ELAVL4: variants seen among roughly 807,000 people sequenced by gnomAD.
ELAVL4 encodes the protein ELAV like RNA binding protein 4, also known as ELAV-like protein 4.
A neutral mutation model predicts 35.6 loss-of-function variants in ELAVL4; 1 was observed. That is an observed-to-expected ratio of 0.03 (90% CI 0.01 to 0.13). The LOEUF is 0.13. Ranked by LOEUF, ELAVL4 falls within the 10% of genes least tolerant of loss-of-function variation. The probability of loss-of-function intolerance (pLI) is 1.00; values close to 1 mark genes in which losing one functional copy is unlikely to be tolerated. For synonymous variants in ELAVL4, 156 were observed against 171.0 expected (o/e 0.91, Z 0.69); for missense variants, 267 against 464.9 (o/e 0.57, Z 3.91).
intron 1 of ELAVL4, among the ~76,000 whole-genome samples, chr1:50,069,136 T>A (rs1664397313): frequency 1.3e-5 from 2 of 152,214 alleles, no homozygotes; most frequent in Non-Finnish European, 2.9e-5. Context: ...TTTATGTATC[T>A]CTATGTCATA....
intron 1 of ELAVL4, among the ~76,000 whole-genome samples, chr1:50,049,960 A>G (rs892716473): frequency 6.6e-6 from 1 of 152,150 alleles, no homozygotes; most frequent in Admixed American, 6.5e-5. Context: ...GGCCTTACTA[A>G]TTCCTCTACT....
intron 1 of ELAVL4, among the ~76,000 whole-genome samples, chr1:50,053,498 G>A (rs1368162519): frequency 1.3e-5 from 2 of 152,042 alleles, no homozygotes; most frequent in African/African-American, 2.4e-5. Context: ...ACAGGTTCAC[G>A]CCACCAAGCC....
At chr1:50,169,781 C>T (rs7538920) in intron 2 of ELAVL4, among the ~76,000 whole-genome samples, 74 of 152,304 alleles carry the variant, frequency 4.9e-4, no homozygotes, top group African/African-American at 1.8e-3. Flanking sequence ...GAAGCCTTCC[C>T]TACTCTACTC....
At chr1:50,102,837 T>G (rs1020549016), upstream of ELAVL4, among the ~76,000 whole-genome samples, 1 of 152,310 alleles carries the variant, frequency 6.6e-6, no homozygotes, top group Non-Finnish European at 1.5e-5. Flanking sequence ...CTGAGTTTTT[T>G]GGGGGTTATG....
In ELAVL4 at chr1:50,203,425, T is replaced by A. The variant is rs913069221; in HGVS notation, c.*2247T>A. ...TTTTGGATATAACACCAGATTTCAG[T>A]TCAGAGAACACTCGTTCAACATTCA... On this transcript the variant is annotated 3_prime_UTR_variant, in exon 7 of 7. Transcript: ENST00000371824. The A allele has an allele frequency of 1.3e-5, 2 of 152,242 alleles. No homozygotes were observed. Among genetic ancestry groups the A allele is most frequent in the South Asian group, 2.1e-4 (1 of 4,832 alleles). The allele number at this position is 152,242 out of a possible 1,614,324, so 9.4% of individuals were successfully genotyped here.
chr1:50,190,202 G>C (rs1366853184), intron 3 of ELAVL4, among the ~76,000 whole-genome samples: 1 of 152,176 alleles, frequency 6.6e-6, no homozygotes, highest in African/African-American at 2.4e-5. Context: ...CTGAGGCAAG[G>C]GGGGTTCTCC....
intron 1 of ELAVL4, among the ~76,000 whole-genome samples, chr1:50,075,254 T>G (rs931359086): frequency 4.6e-5 from 7 of 152,194 alleles, no homozygotes; most frequent in Non-Finnish European, 8.8e-5. Flanking sequence ...AATTTGCATT[T>G]TATCCGAGGT....
In ELAVL4 at chr1:50,193,771, T is replaced by C. The variant is rs1370157409; in HGVS notation, c.361T>C (p.Tyr121His). Residue 121 changes from tyrosine to histidine, a missense_variant, in exon 4 of 7, where the codon TAT (tyrosine) becomes CAT (histidine). By Grantham distance (83) the Tyr-to-His change is moderately conservative (BLOSUM62 2). Transcript: ENST00000371824. ...TCCTCTTGCCTTTTCCTAGGTCTCA[T>C]ATGCCCGTCCGAGCTCTGCCTCAAT... ...RLQTKTIKVS[Y>H]ARPSSASIRD... The C allele has an allele frequency of 6.2e-7, 1 of 1,613,648 alleles. No homozygotes were observed. The highest frequency in any genetic ancestry group is 1.1e-5 in the South Asian group (1 of 91,000).
chr1:50,155,145 T>G (rs944010808), intron 2 of ELAVL4, among the ~76,000 whole-genome samples: 2 of 150,430 alleles, frequency 1.3e-5, no homozygotes, highest in East Asian at 4.0e-4. Flanking sequence ...TTAGCATTAG[T>G]TATATCTCCT....
chr1:50,184,291 G>A (rs1161113477), intron 3 of ELAVL4, among the ~76,000 whole-genome samples: 3 of 151,986 alleles, frequency 2.0e-5, no homozygotes, highest in East Asian at 3.9e-4. Context: ...AAATTAGACC[G>A]GTATGGGTTG....
At chr1:50,104,695 G>C (rs1419633364), upstream of ELAVL4, among the ~76,000 whole-genome samples, 1 of 152,190 alleles carries the variant, frequency 6.6e-6, no homozygotes, top group African/African-American at 2.4e-5. Flanking sequence ...TTAGACACAT[G>C]TGGAACATAG....
chr1:50,048,161 G>A lies in ELAVL4; in HGVS notation c.-4G>A, dbSNP rs780168610. 18 of 1,522,306 alleles carry A rather than the reference G, an allele frequency of 1.2e-5. No homozygotes were observed. In the South Asian group the frequency reaches 2.2e-4, roughly 19 times the overall value. The allele number at this position is 1,522,306 out of a possible 1,614,324, so 94.3% of individuals were successfully genotyped here. A position where few individuals can be genotyped will look rare whatever the true frequency, so the allele number is the denominator to read the frequency against. ...GCCTCGGGCCGGATCGCCCGGCGGG[G>A]AAGATGCGCCTCAAGAACCAGGTAG... On this transcript the variant is annotated 5_prime_UTR_variant, in exon 1 of 7. Coordinates refer to the ELAVL4 transcript ENST00000448907.
chr1:50,136,145 AT>A (rs1377008973), intron 1 of ELAVL4, among the ~76,000 whole-genome samples: 3 of 152,164 alleles, frequency 2.0e-5, no homozygotes, highest in Non-Finnish European at 4.4e-5. Context: ...GAAATATGAA[AT>A]TGGGGAATTG....
chr1:50,140,299 C>T (rs955194194), intron 1 of ELAVL4, among the ~76,000 whole-genome samples: 4 of 152,192 alleles, frequency 2.6e-5, no homozygotes, highest in East Asian at 1.9e-4. Flanking sequence ...ATATCAAAGG[C>T]GTTAGCCTGA....
chr1:50,148,473 CT>C (rs1430633443), intron 2 of ELAVL4, among the ~76,000 whole-genome samples: 1 of 152,210 alleles, frequency 6.6e-6, no homozygotes, highest in Non-Finnish European at 1.5e-5. Flanking sequence ...ACCAAATTTA[CT>C]GAAAATGCCA....
chr1:50,174,670 C>T (rs1242728615), intron 2 of ELAVL4: 1 of 152,010 alleles, frequency 6.6e-6, no homozygotes, highest in Non-Finnish European at 1.5e-5. Flanking sequence ...GGGCAGGGCT[C>T]CTTTCCCTCA....
chr1:50,137,418 A>T (rs796977350), intron 1 of ELAVL4, among the ~76,000 whole-genome samples: 31 of 152,050 alleles, frequency 2.0e-4, no homozygotes, highest in African/African-American at 7.5e-4. Context: ...TAATGGAATA[A>T]ATATTAACTA....
intron 3 of ELAVL4, among the ~76,000 whole-genome samples, chr1:50,192,666 A>G (rs887900975): frequency 6.6e-6 from 1 of 152,084 alleles, no homozygotes; most frequent in Non-Finnish European, 1.5e-5. Flanking sequence ...TTCCTGTCCA[A>G]CGTTGTCAGA....
intron 1 of ELAVL4, among the ~76,000 whole-genome samples, chr1:50,122,751 T>C (rs1405080964): frequency 1.3e-5 from 2 of 152,102 alleles, no homozygotes; most frequent in East Asian, 3.9e-4. Context: ...AAATGGAAGG[T>C]GGGCTTCCTT....
Sources: allele counts gnomAD v4.1 joint callset (sites outside exome capture counted in the v4.1 genomes callset), GRCh38; gene constraint gnomAD v4.1.1; transcripts MANE v1.5; gene names NCBI Gene and HGNC (gene_info 2026-07-23, HGNC 2026-07-21).